The following CSMD2 variants were observed in gnomAD, a reference collection of about 807,000 sequenced individuals.
CSMD2 encodes CUB and Sushi multiple domains 2, also known as CUB and sushi domain-containing protein 2.
CSMD2 carries 130 observed loss-of-function variants against 398.5 expected under a neutral mutation model. That is an observed-to-expected ratio of 0.33 (90% confidence interval 0.28 to 0.38). CSMD2 has a LOEUF of 0.38. CSMD2 is among the 10% of genes least tolerant of loss of function. The pLI, the probability that CSMD2 is intolerant of heterozygous loss-of-function variation, is 1.00. For synonymous variants in CSMD2, 1,828 were observed against 1,908.5 expected, an observed-to-expected ratio of 0.96 and a Z score of 1.10; for missense variants, 3,829 against 4,764.9, an observed-to-expected ratio of 0.80 and a Z score of 5.78.
chr1:33,817,674 C>T (rs905631463), intron 9 of CSMD2, among the ~76,000 whole-genome samples: 16 of 152,246 alleles, frequency 1.1e-4, no homozygotes, highest in African/African-American at 2.7e-4. Flanking sequence ...GTCTCACAGA[C>T]GTACTGGCAT....
chr1:33,683,945 A>C (rs1484519272), intron 25 of CSMD2, among the ~76,000 whole-genome samples: 2 of 152,230 alleles, frequency 1.3e-5, no homozygotes, highest in African/African-American at 2.4e-5. Flanking sequence ...CTCAGAAATA[A>C]ACCCTCTGGA....
Position 33,559,543 on chromosome 1 carries a change from A to C in CSMD2, c.8381-70T>G. 62 of 1,365,598 alleles carry C rather than the reference A, an allele frequency of 4.5e-5. No individual in the cohort carries two copies. Among genetic ancestry groups the C allele is most frequent in the Non-Finnish European group, 5.8e-5 (58 of 998,708 alleles). The allele number at this position is 1,365,598 out of a possible 1,614,324, so 84.6% of individuals were successfully genotyped here. A position where few individuals can be genotyped will look rare whatever the true frequency, so the allele number is the denominator to read the frequency against. On this transcript the variant is annotated intron_variant, in intron 53 of 70. Coordinates refer to ENST00000373381, the MANE Select transcript of CSMD2 (RefSeq NM_001281956.2). This position sits in a 1 kb window ranked among gnomAD's most constrained non-coding sequence, Gnocchi z 4.0. ...ACCCCTCAGAATTTATCCACCTCTCACCTGGCATCTCTTAGGCCATCAGTG... is the reference window on the plus strand; with the variant it reads ...ACCCCTCAGAATTTATCCACCTCTCCCCTGGCATCTCTTAGGCCATCAGTG...
At chr1:33,865,261 G>C (rs1639937054) in intron 5 of CSMD2, among the ~76,000 whole-genome samples, 1 of 151,752 alleles carries the variant, frequency 6.6e-6, no homozygotes. Flanking sequence ...GAGGCCCCAG[G>C]AGAAACATAT....
At chr1:33,741,765 C>T (rs144581464) in intron 14 of CSMD2, among the ~76,000 whole-genome samples, 1 of 152,298 alleles carries the variant, frequency 6.6e-6, no homozygotes, top group African/African-American at 2.4e-5. Context: ...CATGATGAAG[C>T]TCAGCCCCTG....
intron 3 of CSMD2, among the ~76,000 whole-genome samples, chr1:34,000,947 A>G (rs1646881849): frequency 6.7e-6 from 1 of 149,708 alleles, no homozygotes; most frequent in African/African-American, 2.5e-5. Context: ...GGGGAGGTGG[A>G]GGAGGAAAGG....
intron 5 of CSMD2, among the ~76,000 whole-genome samples, chr1:33,857,441 T>C (rs72881502): frequency 0.026 from 3,934 of 151,834 alleles, 173 homozygotes; most frequent in African/African-American, 0.09. Flanking sequence ...AAGAGTAGAG[T>C]TGTAGCTGGC....
intron 20 of CSMD2, 100 bp downstream of exon 20, chr1:33,716,186 G>T: frequency 9.9e-7 from 1 of 1,008,944 alleles, no homozygotes. Context: ...CTGGAGAGTG[G>T]ATTAATATCT....
At chr1:34,008,164 C>G (rs143810701) in intron 3 of CSMD2, among the ~76,000 whole-genome samples, 2 of 152,354 alleles carry the variant, frequency 1.3e-5, no homozygotes, top group Admixed American at 1.3e-4. Context: ...AATAAAACCA[C>G]AGACGTGCTC....
chr1:33,827,586 A>G (rs866139087), intron 6 of CSMD2, among the ~76,000 whole-genome samples: 7 of 152,210 alleles, frequency 4.6e-5, no homozygotes, highest in Admixed American at 1.3e-4. Flanking sequence ...ATGTTCTAAC[A>G]TACTATACCA....
At chr1:33,663,132 C>G in intron 25 of CSMD2, 40 bp from the exon 26 acceptor site, 8 of 1,571,882 alleles carry the variant, frequency 5.1e-6, no homozygotes, top group Non-Finnish European at 7.0e-6. Context: ...TGGACTCAGC[C>G]CTTCTTTCCA....
intron 5 of CSMD2, among the ~76,000 whole-genome samples, chr1:33,898,826 A>G (rs1272443612): frequency 6.6e-6 from 1 of 152,194 alleles, no homozygotes; most frequent in Non-Finnish European, 1.5e-5. Context: ...CCAGGATGTC[A>G]TTCCCAGCTC....
chr1:34,132,784 G>T (rs553964002), intron 1 of CSMD2, among the ~76,000 whole-genome samples: 1 of 152,096 alleles, frequency 6.6e-6, no homozygotes, highest in Non-Finnish European at 1.5e-5. Flanking sequence ...CTTACACCAG[G>T]GTTCACCCCC....
At chr1:33,740,141 G>A (rs1332682743) in intron 14 of CSMD2, among the ~76,000 whole-genome samples, 1 of 152,186 alleles carries the variant, frequency 6.6e-6, no homozygotes, top group African/African-American at 2.4e-5. Context: ...GCACGTGACA[G>A]ATGGTAAGTG....
intron 5 of CSMD2, among the ~76,000 whole-genome samples, chr1:33,854,703 C>G (rs188857349): frequency 6.6e-6 from 1 of 152,342 alleles, no homozygotes; most frequent in East Asian, 1.9e-4. Flanking sequence ...TCAATAAACT[C>G]AACAAATTAT....
chr1:33,586,379 A>G, intron 46 of CSMD2, 125 bp downstream of exon 46: 3 of 631,066 alleles, frequency 4.8e-6, no homozygotes, highest in Non-Finnish European at 8.8e-6. Flanking sequence ...AACATTTACC[A>G]AGTGACCTTT....
intron 4 of CSMD2, among the ~76,000 whole-genome samples, chr1:33,925,059 T>A (rs1644077689): frequency 6.6e-6 from 1 of 152,174 alleles, no homozygotes; most frequent in Admixed American, 6.5e-5. Flanking sequence ...TTTAATATAG[T>A]CCCATTTGTC....
chr1:34,162,279 G>T (rs1440647927), intron 1 of CSMD2, among the ~76,000 whole-genome samples: 1 of 151,906 alleles, frequency 6.6e-6, no homozygotes, highest in Non-Finnish European at 1.5e-5. Context: ...GGAGTGCAAG[G>T]CAGGACAAGG....
intron 10 of CSMD2, among the ~76,000 whole-genome samples, chr1:33,809,146 G>T (rs1439107082): frequency 6.6e-6 from 1 of 151,852 alleles, no homozygotes; most frequent in Admixed American, 6.6e-5. Flanking sequence ...AACCCCAAAG[G>T]ATAGAAAGAG....
chr1:33,739,378 T>C (rs368302221), intron 14 of CSMD2, 44 bp from the exon 15 acceptor site: 3 of 1,528,678 alleles, frequency 2.0e-6, no homozygotes, highest in African/African-American at 1.4e-5. Context: ...ATTGCTGGAG[T>C]AGAGAAGAAT....
Sources: gnomAD v4.1 joint callset for allele counts (sites outside exome capture counted in the v4.1 genomes callset) on GRCh38, gnomAD v4.1.1 for gene constraint, Gnocchi (gnomAD v3.1) non-coding constraint, MANE v1.5 for transcripts, NCBI Gene and HGNC (gene_info 2026-07-23, HGNC 2026-07-21) for gene names.